ARCN1: variants seen among roughly 807,000 people sequenced by gnomAD.
The protein encoded by ARCN1 is archain 1 coat protein complex I subunit delta.
In ARCN1, 5 loss-of-function variants were observed where a neutral mutation model predicts 60.4. The observed-to-expected ratio is 0.08, with a 90% CI of 0.04 to 0.17. ARCN1 has a LOEUF of 0.17. Among genes scored for constraint, ARCN1 ranks in the 10% least tolerant of loss-of-function variants. The pLI is 1.00. For missense variants in ARCN1, 464 were observed against 626.5 expected, an observed-to-expected ratio of 0.74 and a Z score of 2.77; for synonymous variants, 224 against 220.0, an observed-to-expected ratio of 1.02 and a Z score of -0.16.
Position 118,591,898 on chromosome 11 carries a change from C to CTATTTATT in ARCN1, c.985-789_985-782dup, listed in dbSNP as rs1184197221. ...TATAGGTGTGCACCACCACACCCAG[C>CTATTTATT]TATTTATTTATTTATTTATTTATTT... On this transcript the variant is annotated intron_variant, in intron 6 of 9. Coordinates refer to ENST00000264028, the MANE Select transcript of ARCN1 (RefSeq NM_001655.5). Among the ~76,000 whole-genome samples the CTATTTATT allele has an allele frequency of 1.0e-3, 151 of 151,530 alleles. 1 individual carries two copies. The highest frequency in any genetic ancestry group is 3.6e-3 in the African/African-American group (147 of 41,360).
chr11:118,584,208 G>C (rs1369536928), intron 4 of ARCN1, among the ~76,000 whole-genome samples, 194 bp downstream of exon 4: 1 of 152,200 alleles, frequency 6.6e-6, no homozygotes, highest in African/African-American at 2.4e-5. Flanking sequence ...TTGTATAAAA[G>C]AGAGTTATAA....
intron 9 of ARCN1, 118 bp downstream of exon 9, chr11:118,598,029 G>A: frequency 2.2e-6 from 2 of 894,528 alleles, no homozygotes; most frequent in East Asian, 2.6e-5. Flanking sequence ...GAAAAAAACT[G>A]ATGTCTCCTA....
intron 1 of ARCN1, among the ~76,000 whole-genome samples, chr11:118,577,914 T>C (rs1294179784): frequency 6.6e-6 from 1 of 152,112 alleles, no homozygotes; most frequent in African/African-American, 2.4e-5. Flanking sequence ...CCCAACACTT[T>C]GGAGGCCAAG....
chr11:118,583,174 C>T lies in ARCN1; in HGVS notation c.268-5C>T, dbSNP rs1555074912. ...TCTTTCTTTTTTATTGGTGTCCACG[C>T]TTAGATCCCTGAATATTGCCGAGCC... is the stretch of plus-strand genomic sequence containing the variant. On this transcript the variant is annotated splice_region_variant and splice_polypyrimidine_tract_variant and intron_variant, in intron 2 of 9. Coordinates refer to ENST00000264028, the MANE Select transcript of ARCN1 (RefSeq NM_001655.5). 6 of 1,613,866 alleles carry T rather than the reference C, an allele frequency of 3.7e-6. No homozygotes were observed. Among genetic ancestry groups the T allele is most frequent in the Non-Finnish European group, 5.1e-6 (6 of 1,179,884 alleles).
rs995816745 is a variant in ARCN1, at chr11:118,580,912, C to T, written c.4-334C>T. On this transcript the variant is annotated intron_variant, in intron 1 of 9. Coordinates refer to ENST00000264028, the MANE Select transcript of ARCN1 (RefSeq NM_001655.5). ...CTTTGGGAGGCCAAGGCAGGAGGATCGCTTGAACCCAGGAGTTCAAGACCA... is the reference window on the plus strand; with the variant it reads ...CTTTGGGAGGCCAAGGCAGGAGGATTGCTTGAACCCAGGAGTTCAAGACCA... Among the ~76,000 whole-genome samples, 6 of 152,148 alleles carry T rather than the reference C, an allele frequency of 3.9e-5. 1 individual carries two copies. The South Asian group carries it at 1.0e-3, about 26-fold the overall frequency.
intron 1 of ARCN1, among the ~76,000 whole-genome samples, chr11:118,574,725 CATAAA>C (rs1300427927): frequency 1.3e-5 from 2 of 151,738 alleles, no homozygotes; most frequent in Admixed American, 6.6e-5. Context: ...ATGACTTCAT[CATAAA>C]ATAAAGTACA....
Position 118,575,670 on chromosome 11 carries a change from G to A in ARCN1, c.3+3120G>A, listed in dbSNP as rs1028201050. ...CCATGAATTGTGTGTGCATGTATAT[G>A]TGTATAAAATATTGCGGTGAATTAC... On this transcript the variant is annotated intron_variant, in intron 1 of 9. Transcript: ENST00000264028. Among the ~76,000 whole-genome samples, 7 of 152,186 alleles carry A rather than the reference G, an allele frequency of 4.6e-5. No individual in the cohort carries two copies. In the East Asian group the frequency reaches 1.3e-3, roughly 29 times the overall value.
At chr11:118,576,426 T>TAAAAAAAAAA (rs10671866) in intron 1 of ARCN1, among the ~76,000 whole-genome samples, 13 of 108,762 alleles carry the variant, frequency 1.2e-4, no homozygotes, top group East Asian at 2.8e-4. Context: ...CCAAAAATGT[T>TAAAAAAAAAA]AAAAAAAAAA....
intron 8 of ARCN1, chr11:118,594,224 C>G (rs997695768): frequency 1.3e-5 from 2 of 152,840 alleles, no homozygotes; most frequent in Non-Finnish European, 2.9e-5. Flanking sequence ...CTCACCCTCC[C>G]GAGTAGCTGG....
chr11:118,572,714 C>G (rs1938376488), intron 1 of ARCN1, 164 bp downstream of exon 1: 1 of 758,018 alleles, frequency 1.3e-6, no homozygotes, highest in Admixed American at 3.0e-5. Context: ...GCCCGGTCTC[C>G]TGGAGATCCG....
chr11:118,593,391 C>A (rs940456047), intron 7 of ARCN1, among the ~76,000 whole-genome samples, 199 bp from the exon 8 acceptor site: 59 of 121,000 alleles, frequency 4.9e-4, no homozygotes, highest in Non-Finnish European at 7.1e-4. Flanking sequence ...CCACGCCTGG[C>A]TTTTTTTTTT....
intron 2 of ARCN1, among the ~76,000 whole-genome samples, chr11:118,582,190 A>G (rs1014938533): frequency 6.6e-6 from 1 of 152,004 alleles, no homozygotes; most frequent in Non-Finnish European, 1.5e-5. Flanking sequence ...GCTGGAGTGC[A>G]GTGGTGCAAT....
At chr11:118,576,397 T>C (rs1373706194) in intron 1 of ARCN1, among the ~76,000 whole-genome samples, 2 of 133,082 alleles carry the variant, frequency 1.5e-5, no homozygotes, top group East Asian at 4.1e-4. Context: ...AAGTTCCTTT[T>C]AGATCTGGAA....
intron 5 of ARCN1, among the ~76,000 whole-genome samples, chr11:118,584,926 C>T (rs190595618): frequency 1.1e-3 from 167 of 151,900 alleles, no homozygotes; most frequent in African/African-American, 3.9e-3. Context: ...CCCAGGTTCA[C>T]GCCATTCTCC....
intron 1 of ARCN1, among the ~76,000 whole-genome samples, chr11:118,575,396 C>G (rs1938469113): frequency 6.7e-6 from 1 of 148,780 alleles, no homozygotes; most frequent in South Asian, 2.2e-4. Context: ...AAGTTCACTG[C>G]AGAAACTGAT....
chr11:118,596,505 G>C (rs1454545488), intron 8 of ARCN1, among the ~76,000 whole-genome samples: 3 of 152,190 alleles, frequency 2.0e-5, no homozygotes, highest in African/African-American at 7.2e-5. Flanking sequence ...ATCAGAATTA[G>C]AGCAAGGGCA....
At chr11:118,580,457 A>G (rs1317520045) in intron 1 of ARCN1, among the ~76,000 whole-genome samples, 3 of 152,222 alleles carry the variant, frequency 2.0e-5, no homozygotes, top group Non-Finnish European at 4.4e-5. Context: ...TTTTAGTTCA[A>G]TATAAAGTCA....
intron 9 of ARCN1, among the ~76,000 whole-genome samples, chr11:118,599,339 C>T (rs1311936504): frequency 6.6e-6 from 1 of 152,124 alleles, no homozygotes; most frequent in African/African-American, 2.4e-5. Context: ...GATCCAGCCA[C>T]CTCGGCCTCC....
At chr11:118,590,220 CCCCACCTCAGGTGATCTG>C in intron 5 of ARCN1, 103 bp from the exon 6 acceptor site, 1 of 682,684 alleles carries the variant, frequency 1.5e-6, no homozygotes, top group African/African-American at 1.8e-5. Context: ...GTCTCGAACT[CCCCACCTCAGGTGATCTG>C]CCCGCCTTGG....
Sources: gnomAD v4.1 joint callset for allele counts (sites outside exome capture counted in the v4.1 genomes callset) on GRCh38, gnomAD v4.1.1 for gene constraint, MANE v1.5 for transcripts, NCBI Gene and HGNC (gene_info 2026-07-23, HGNC 2026-07-21) for gene names.